The following FLACC1 variants were observed in gnomAD, a reference collection of about 807,000 sequenced individuals.
The protein encoded by FLACC1 is flagellum-associated coiled-coil domain-containing protein 1.
FLACC1 carries 66 observed loss-of-function variants against 62.8 expected under a neutral mutation model. That is an observed-to-expected ratio of 1.05 (90% CI 0.86 to 1.29). The LOEUF (loss-of-function observed/expected upper bound fraction) is 1.29, where lower values mean the gene tolerates loss of function less well. Ranked by LOEUF, FLACC1 falls within the 50% of genes most tolerant of loss-of-function variation. FLACC1 has a pLI of 0.00. For missense variants in FLACC1, 452 were observed against 489.1 expected, an observed-to-expected ratio of 0.92 and a Z score of 0.71; for synonymous variants, 156 against 161.0, an observed-to-expected ratio of 0.97 and a Z score of 0.24.
At chr2:201,306,595 G>C (rs892680481) in intron 11 of FLACC1, among the ~76,000 whole-genome samples, 1 of 152,066 alleles carries the variant, frequency 6.6e-6, no homozygotes, top group Non-Finnish European at 1.5e-5. Flanking sequence ...CTAAAAAATA[G>C]AATATCTTCA....
intron 12 of FLACC1, among the ~76,000 whole-genome samples, chr2:201,295,532 A>C (rs1390687955): frequency 6.6e-6 from 1 of 152,220 alleles, no homozygotes; most frequent in Non-Finnish European, 1.5e-5. Context: ...AAAGACTTAA[A>C]TGTTAGACCT....
At chr2:201,292,436 A>T (rs936549348) in intron 12 of FLACC1, among the ~76,000 whole-genome samples, 1 of 152,192 alleles carries the variant, frequency 6.6e-6, no homozygotes, top group Non-Finnish European at 1.5e-5. Context: ...AAGCTTCATG[A>T]TTGAAGGAGA....
intron 10 of FLACC1, among the ~76,000 whole-genome samples, chr2:201,308,755 T>C (rs1417555507): frequency 1.3e-5 from 2 of 152,228 alleles, no homozygotes. Flanking sequence ...GATTGTGTTG[T>C]TCCTATCTGC....
chr2:201,291,671 A>G (rs1949738044), intron 12 of FLACC1, among the ~76,000 whole-genome samples: 1 of 152,260 alleles, frequency 6.6e-6, no homozygotes, highest in African/African-American at 2.4e-5. Context: ...ACAAAGCTGG[A>G]TGGAGAATGA....
intron 7 of FLACC1, 57 bp downstream of exon 7, chr2:201,342,313 G>C: frequency 6.4e-7 from 1 of 1,570,652 alleles, no homozygotes; most frequent in Non-Finnish European, 8.8e-7. Flanking sequence ...ATCCTGCAAA[G>C]GATGCGGGAC....
At chr2:201,312,675 A>G (rs117521892) in intron 9 of FLACC1, among the ~76,000 whole-genome samples, 1 of 152,334 alleles carries the variant, frequency 6.6e-6, no homozygotes, top group East Asian at 1.9e-4. Context: ...AAAATATACT[A>G]CTAATATAAG....
intron 12 of FLACC1, among the ~76,000 whole-genome samples, chr2:201,291,731 C>T (rs1003302789): frequency 6.6e-6 from 1 of 152,096 alleles, no homozygotes; most frequent in Non-Finnish European, 1.5e-5. Context: ...CTACTCCGAG[C>T]TAAAGGAGAA....
intron 10 of FLACC1, among the ~76,000 whole-genome samples, 173 bp downstream of exon 10, chr2:201,308,978 C>A (rs1445533293): frequency 6.6e-6 from 1 of 152,136 alleles, no homozygotes; most frequent in Non-Finnish European, 1.5e-5. Flanking sequence ...AAAGACCCTA[C>A]CCTTGTTGTC....
intron 9 of FLACC1, among the ~76,000 whole-genome samples, chr2:201,311,632 T>C (rs1367491950): frequency 2.7e-5 from 4 of 149,178 alleles, no homozygotes; most frequent in African/African-American, 1.0e-4. Flanking sequence ...GCCCAGGAGG[T>C]TGAGGCTTCA....
At chr2:201,339,066 C>CTTTTTTTTTTTTTTTTTTTTTTTTTTTT (rs1559414089) in intron 7 of FLACC1, among the ~76,000 whole-genome samples, 1 of 151,864 alleles carries the variant, frequency 6.6e-6, no homozygotes, top group African/African-American at 2.4e-5. Context: ...TGTTGGGAGA[C>CTTTTTTTTTTTTTTTTTTTTTTTTTTTT]TTTTTATTAC....
At position 201,346,520 on chromosome 2, in the gene FLACC1, C is replaced by A. The variant is rs747588479; in HGVS notation, c.368+22G>T. 6.2e-7 allele frequency: 1 copy of A among 1,612,220 alleles called. No individual in the cohort carries two copies. The highest frequency in any genetic ancestry group is 1.3e-5 in the African/African-American group (1 of 75,042). On this transcript the variant is annotated intron_variant, in intron 5 of 14. Coordinates refer to ENST00000392257, the MANE Select transcript of FLACC1 (RefSeq NM_001127391.3). This position sits in a 1 kb window ranked among gnomAD's most constrained non-coding sequence, Gnocchi z 4.0. ...GGGTGGGAGTAGCCCCAAGCAGCTGCATGTTGCTGCAACAGCATTACCTGG... is the reference window on the plus strand; with the variant it reads ...GGGTGGGAGTAGCCCCAAGCAGCTGAATGTTGCTGCAACAGCATTACCTGG...
intron 12 of FLACC1, among the ~76,000 whole-genome samples, chr2:201,296,895 G>A (rs2125542194): frequency 6.6e-6 from 1 of 152,284 alleles, no homozygotes; most frequent in African/African-American, 2.4e-5. Flanking sequence ...GGATTGGAAG[G>A]GCAAGAGGGA....
chr2:201,295,636 G>T (rs1431759746), intron 12 of FLACC1, among the ~76,000 whole-genome samples: 2 of 152,142 alleles, frequency 1.3e-5, no homozygotes, highest in Admixed American at 6.5e-5. Context: ...AAAAGCAATG[G>T]CAACAAAAGC....
chr2:201,339,138 T>C (rs1359334129), intron 7 of FLACC1, among the ~76,000 whole-genome samples: 1 of 152,194 alleles, frequency 6.6e-6, no homozygotes, highest in East Asian at 1.9e-4. Context: ...CTGATTCATC[T>C]TGTTAGATTT....
chr2:201,344,290 T>C (rs764490416), intron 5 of FLACC1, 27 bp from the exon 6 acceptor site: 15 of 1,560,202 alleles, frequency 9.6e-6, no homozygotes, highest in Non-Finnish European at 1.2e-5. Context: ...TCTTCTATCA[T>C]CCACAAAGCT....
At chr2:201,302,337 C>A (rs927471071) in intron 11 of FLACC1, among the ~76,000 whole-genome samples, 10 of 152,084 alleles carry the variant, frequency 6.6e-5, no homozygotes, top group Non-Finnish European at 5.9e-5. Context: ...ACAAAGAAGG[C>A]CATTATATAA....
chr2:201,333,577 C>T (rs912484820), intron 7 of FLACC1, among the ~76,000 whole-genome samples: 3 of 133,800 alleles, frequency 2.2e-5, no homozygotes, highest in Non-Finnish European at 3.1e-5. Context: ...ATAACAGTCC[C>T]CAGAGTGTGA....
intron 12 of FLACC1, among the ~76,000 whole-genome samples, chr2:201,290,860 A>T (rs1285488858): frequency 2.0e-5 from 3 of 152,186 alleles, no homozygotes; most frequent in Non-Finnish European, 2.9e-5. Flanking sequence ...AGTCTTAGCA[A>T]ACGGCACACC....
intron 6 of FLACC1, among the ~76,000 whole-genome samples, chr2:201,343,755 A>T (rs1950856267): frequency 6.6e-6 from 1 of 152,236 alleles, no homozygotes; most frequent in Admixed American, 6.5e-5. Context: ...GCAGATTCTG[A>T]TGTGTGGGCA....
Sources: gnomAD v4.1 joint callset for allele counts (sites outside exome capture counted in the v4.1 genomes callset) on GRCh38, gnomAD v4.1.1 for gene constraint, Gnocchi (gnomAD v3.1) non-coding constraint, MANE v1.5 for transcripts, NCBI Gene and HGNC (gene_info 2026-07-23, HGNC 2026-07-21) for gene names.